The following ROBO2 variants were observed in gnomAD, a reference collection of about 807,000 sequenced individuals.
ROBO2 encodes roundabout guidance receptor 2.
Under a neutral mutation model 160.8 loss-of-function variants are expected in ROBO2, and 53 were observed. The ratio of observed to expected loss-of-function variants is 0.33; its 90% confidence interval spans 0.26 to 0.41. The LOEUF (loss-of-function observed/expected upper bound fraction) is 0.41, where lower values mean the gene tolerates loss of function less well. Among genes scored for constraint, ROBO2 ranks in the 10% least tolerant of loss-of-function variants. ROBO2 has a pLI of 1.00. For missense variants in ROBO2, 1,577 were observed against 1,722.4 expected (o/e 0.92, Z 1.49); for synonymous variants, 664 against 611.7 (o/e 1.09, Z -1.26).
intron 2 of ROBO2, among the ~76,000 whole-genome samples, chr3:76,772,374 A>C: frequency 6.6e-6 from 1 of 150,542 alleles, no homozygotes; most frequent in Admixed American, 6.7e-5. Flanking sequence ...ATACACATTT[A>C]TATGTATATA....
chr3:75,924,896 G>A (rs940037567), intron 1 of ROBO2, among the ~76,000 whole-genome samples: 8 of 151,292 alleles, frequency 5.3e-5, no homozygotes, highest in African/African-American at 1.9e-4. Context: ...CACCGTGTTA[G>A]CCAGGATGGT....
At position 76,939,941 on chromosome 3, in the gene ROBO2, A is replaced by G. The variant is rs533336696; in HGVS notation, c.110-158073A>G. 4.0e-5 allele frequency among the ~76,000 whole-genome samples: 6 copies of G among 151,546 alleles called. No homozygotes were observed. In the East Asian group the frequency reaches 1.2e-3, roughly 29 times the overall value. On this transcript the variant is annotated intron_variant, in intron 2 of 26. Coordinates refer to the ROBO2 transcript ENST00000487694. ...GCTTTGTGTATCACTATTTAATTTG[A>G]AGGAAGAAAGGTGGCAGAGGAAGGA...
At chr3:76,871,338 A>T (rs1376553541) in intron 2 of ROBO2, among the ~76,000 whole-genome samples, 1 of 151,834 alleles carries the variant, frequency 6.6e-6, no homozygotes, top group Non-Finnish European at 1.5e-5. Flanking sequence ...GCGGATCACG[A>T]GGTCAGGAGA....
At chr3:77,445,035 G>GC (rs1431268383) in intron 2 of ROBO2, among the ~76,000 whole-genome samples, 13 of 152,086 alleles carry the variant, frequency 8.5e-5, no homozygotes, top group Admixed American at 8.5e-4. Context: ...AATAAAATCA[G>GC]CAAGTGATTG....
chr3:76,328,824 A>T (rs1027876670), intron 2 of ROBO2, among the ~76,000 whole-genome samples: 2 of 151,486 alleles, frequency 1.3e-5, no homozygotes, highest in South Asian at 4.2e-4. Context: ...GCGCCACCGC[A>T]CTCCAGCCTG....
At chr3:77,613,053 T>C (rs907094128) in intron 21 of ROBO2, among the ~76,000 whole-genome samples, 2 of 152,326 alleles carry the variant, frequency 1.3e-5, no homozygotes, top group Non-Finnish European at 2.9e-5. Flanking sequence ...CATTAAGCAA[T>C]GTATTTGACT....
At chr3:77,233,543 C>T (rs1314023259) in intron 2 of ROBO2, among the ~76,000 whole-genome samples, 1 of 152,140 alleles carries the variant, frequency 6.6e-6, no homozygotes, top group African/African-American at 2.4e-5. Flanking sequence ...GCCTGGAATA[C>T]TCATATTAGG....
intron 2 of ROBO2, among the ~76,000 whole-genome samples, chr3:76,215,028 C>T (rs571661116): frequency 1.1e-3 from 167 of 152,256 alleles, no homozygotes; most frequent in African/African-American, 3.5e-3. Flanking sequence ...CTGCAGCCAC[C>T]GCTGCTGATA....
At chr3:77,361,248 C>G (rs1190752211) in intron 2 of ROBO2, among the ~76,000 whole-genome samples, 1 of 152,144 alleles carries the variant, frequency 6.6e-6, no homozygotes, top group Admixed American at 6.5e-5. Context: ...AAGAGCAAAT[C>G]GTTTTGTTTT....
chr3:76,442,280 C>T (rs1201617404), intron 2 of ROBO2, among the ~76,000 whole-genome samples: 1 of 152,166 alleles, frequency 6.6e-6, no homozygotes, highest in Non-Finnish European at 1.5e-5. Context: ...AAAACTGCCC[C>T]AGCAACTTAT....
intron 2 of ROBO2, among the ~76,000 whole-genome samples, chr3:76,840,516 A>C (rs1412178114): frequency 6.6e-6 from 1 of 151,442 alleles, no homozygotes; most frequent in Non-Finnish European, 1.5e-5. Flanking sequence ...AGGCTGAGGC[A>C]GGAGAATCGC....
chr3:76,936,076 A>G (rs2077680409), intron 2 of ROBO2, among the ~76,000 whole-genome samples: 1 of 152,232 alleles, frequency 6.6e-6, no homozygotes. Context: ...ATTATTAGCA[A>G]GAATACCACA....
chr3:76,855,138 C>A (rs1182416595), intron 2 of ROBO2, among the ~76,000 whole-genome samples: 1 of 152,132 alleles, frequency 6.6e-6, no homozygotes, highest in African/African-American at 2.4e-5. Context: ...ACCTAACATG[C>A]CTAAGCAAAC....
intron 6 of ROBO2, among the ~76,000 whole-genome samples, chr3:77,538,706 G>A (rs1463638824): frequency 6.6e-6 from 1 of 151,984 alleles, no homozygotes; most frequent in African/African-American, 2.4e-5. Context: ...ATCAAATGAA[G>A]CATTACATAG....
chr3:76,434,011 G>A (rs2076554204), intron 2 of ROBO2: 1 of 1,068,944 alleles, frequency 9.4e-7, no homozygotes, highest in African/African-American at 1.6e-5. Context: ...CTCTGAGGTG[G>A]TTCATTATGG....
chr3:77,173,500 G>T (rs1339670794), intron 2 of ROBO2, among the ~76,000 whole-genome samples: 1 of 152,014 alleles, frequency 6.6e-6, no homozygotes, highest in Non-Finnish European at 1.5e-5. Context: ...CTTTCAGATT[G>T]AGAGTCTGAA....
exon 8 of ROBO2, chr3:77,550,925 C>T: frequency 6.2e-7 from 1 of 1,613,036 alleles, no homozygotes; most frequent in Non-Finnish European, 8.5e-7. Flanking sequence ...CGGGTTACTA[C>T]ATCTGCCAGG....
At chr3:76,402,831 C>T (rs886753485) in intron 2 of ROBO2, among the ~76,000 whole-genome samples, 10 of 151,636 alleles carry the variant, frequency 6.6e-5, no homozygotes, top group Non-Finnish European at 1.3e-4. Flanking sequence ...CTTTTAAGAA[C>T]TCATCTGATT....
chr3:75,973,996 A>G (rs916415022), intron 2 of ROBO2, among the ~76,000 whole-genome samples: 1 of 151,522 alleles, frequency 6.6e-6, no homozygotes, highest in African/African-American at 2.4e-5. Context: ...GTGGTTACAT[A>G]ACACGAGAAT....
Sources: allele counts gnomAD v4.1 joint callset (sites outside exome capture counted in the v4.1 genomes callset), GRCh38; gene constraint gnomAD v4.1.1; transcripts MANE v1.5; gene names NCBI Gene and HGNC (gene_info 2026-07-23, HGNC 2026-07-21).